Variants in FOXP2 observed in about 807,000 individuals in gnomAD.
FOXP2 encodes forkhead box P2, also known as forkhead box protein P2.
In FOXP2, 12 loss-of-function variants were observed where a neutral mutation model predicts 115.8. The ratio of observed to expected loss-of-function variants is 0.10; its 90% CI spans 0.07 to 0.17. The LOEUF is 0.17. Among genes scored for constraint, FOXP2 ranks in the 10% least tolerant of loss-of-function variants. The pLI, the probability that FOXP2 is intolerant of heterozygous loss-of-function variation, is 1.00. For synonymous variants in FOXP2, 328 were observed against 297.7 expected (o/e 1.10, Z -1.05); for missense variants, 629 against 843.5 (o/e 0.75, Z 3.15).
At chr7:114,357,581 C>A (rs1791646329) in intron 2 of FOXP2, among the ~76,000 whole-genome samples, 1 of 152,056 alleles carries the variant, frequency 6.6e-6, no homozygotes, top group African/African-American at 2.4e-5. Flanking sequence ...GTTCTTTGGC[C>A]ACCTCTTAGG....
intron 3 of FOXP2, among the ~76,000 whole-genome samples, chr7:114,537,382 T>C (rs1799448549): frequency 6.6e-6 from 1 of 151,620 alleles, no homozygotes; most frequent in Non-Finnish European, 1.5e-5. Flanking sequence ...AGAGATACTT[T>C]GTATTTTTTA....
chr7:114,436,899 A>G (rs1359043570), intron 2 of FOXP2, among the ~76,000 whole-genome samples: 2 of 152,148 alleles, frequency 1.3e-5, no homozygotes, highest in African/African-American at 2.4e-5. Flanking sequence ...ATATACCTAA[A>G]TGGTACCAGA....
At chr7:114,583,106 G>A (rs1373088239) in intron 3 of FOXP2, among the ~76,000 whole-genome samples, 2 of 152,158 alleles carry the variant, frequency 1.3e-5, no homozygotes, top group African/African-American at 4.8e-5. Flanking sequence ...GCCCAGGCGT[G>A]GTGGCTCACA....
At chr7:114,104,972 C>T (rs1791072948) in intron 1 of FOXP2, among the ~76,000 whole-genome samples, 1 of 151,862 alleles carries the variant, frequency 6.6e-6, no homozygotes, top group Non-Finnish European at 1.5e-5. Context: ...GTTAAAATGC[C>T]AACTCCCATG....
chr7:114,477,472 C>T (rs932759221), intron 2 of FOXP2, among the ~76,000 whole-genome samples: 1 of 151,882 alleles, frequency 6.6e-6, no homozygotes, highest in South Asian at 2.1e-4. Flanking sequence ...CATGGACATA[C>T]AGACACTGGG....
chr7:114,305,137 A>G (rs748446359), intron 2 of FOXP2, among the ~76,000 whole-genome samples: 55 of 152,274 alleles, frequency 3.6e-4, no homozygotes, highest in Admixed American at 7.2e-4. Context: ...TTAATTACCA[A>G]AAGGTATGAT....
At chr7:114,269,325 C>T (rs1048848578) in intron 1 of FOXP2, among the ~76,000 whole-genome samples, 1 of 152,122 alleles carries the variant, frequency 6.6e-6, no homozygotes, top group South Asian at 2.1e-4. Context: ...AAGTATTTTG[C>T]GTTTGTAAAG....
chr7:114,663,583 G>A (rs1164308389), intron 15 of FOXP2, 64 bp downstream of exon 15: 25 of 1,173,214 alleles, frequency 2.1e-5, no homozygotes, highest in Non-Finnish European at 2.6e-5. Context: ...TTTTTGGCAT[G>A]TCTTTGTATT....
chr7:114,263,356 T>C lies in FOXP2; in HGVS notation c.-101-24663T>C, dbSNP rs76543557. On this transcript the variant is annotated intron_variant, in intron 1 of 17. Transcript: ENST00000634411. The stretch of plus-strand genomic sequence containing the variant: ...CCTTTATGACTTCTTTTTCTTTTTT[T>C]TTTTCAATTTTCTTTCCTTCTTCCC... Among the ~76,000 whole-genome samples the C allele has an allele frequency of 5.0e-3, 756 of 152,062 alleles. 4 individuals are homozygous for C. The highest frequency in any genetic ancestry group is 0.017 in the African/African-American group (707 of 41,486).
At chr7:114,347,767 G>A (rs1791381923) in intron 2 of FOXP2, among the ~76,000 whole-genome samples, 1 of 151,932 alleles carries the variant, frequency 6.6e-6, no homozygotes, top group African/African-American at 2.4e-5. Context: ...AAATGGCACA[G>A]GGTAAGTAAT....
At chr7:114,503,683 C>T (rs1238645705) in intron 2 of FOXP2, among the ~76,000 whole-genome samples, 1 of 150,122 alleles carries the variant, frequency 6.7e-6, no homozygotes, top group African/African-American at 2.4e-5. Flanking sequence ...CAAATTAATC[C>T]ACCTTTTACC....
chr7:114,409,636 A>G (rs1019885946), upstream of FOXP2, among the ~76,000 whole-genome samples: 2 of 151,956 alleles, frequency 1.3e-5, no homozygotes, highest in African/African-American at 2.4e-5. Flanking sequence ...CATTCTGGCA[A>G]TTTTTCTCTG....
At chr7:114,366,960 G>C (rs149441194) in intron 2 of FOXP2, among the ~76,000 whole-genome samples, 200 of 152,122 alleles carry the variant, frequency 1.3e-3, no homozygotes, top group African/African-American at 4.5e-3. Context: ...GACCAGGTCT[G>C]TTATTAGAAT....
At chr7:114,632,979 T>C (rs1805003194) in intron 6 of FOXP2, among the ~76,000 whole-genome samples, 1 of 151,916 alleles carries the variant, frequency 6.6e-6, no homozygotes, top group Non-Finnish European at 1.5e-5. Flanking sequence ...AAGAAAAGAG[T>C]TTATAAAATT....
At chr7:114,375,627 C>T (rs912981775) in intron 2 of FOXP2, among the ~76,000 whole-genome samples, 1 of 152,164 alleles carries the variant, frequency 6.6e-6, no homozygotes, top group Admixed American at 6.5e-5. Context: ...CTTCACTTTA[C>T]ATCATATTAA....
chr7:114,683,751 AAAAATGT>A (rs1808214978), intron 16 of FOXP2, among the ~76,000 whole-genome samples: 1 of 152,152 alleles, frequency 6.6e-6, no homozygotes, highest in Non-Finnish European at 1.5e-5. Context: ...AGTCTCCATG[AAAAATGT>A]CTTGGAGTAG....
intron 1 of FOXP2, among the ~76,000 whole-genome samples, chr7:114,094,154 T>C (rs1799597124): frequency 6.6e-6 from 1 of 152,168 alleles, no homozygotes; most frequent in Admixed American, 6.5e-5. Flanking sequence ...CAAATTCTGT[T>C]TTCTTTCCTT....
In FOXP2 at chr7:114,192,623, A is replaced by G. The variant is rs1161399388; in HGVS notation, c.-102+29535A>G. On this transcript the variant is annotated intron_variant, in intron 1 of 17. Coordinates refer to the FOXP2 transcript ENST00000634411. The stretch of plus-strand genomic sequence containing the variant: ...TATTTAAAAAAATCTAGGTTGTTTC[A>G]TACAGCAGTGTATATTGCAATCAGT... Among the ~76,000 whole-genome samples the G allele has an allele frequency of 2.0e-5, 3 of 152,214 alleles. No individual in the cohort carries two copies. The South Asian group carries it at 6.2e-4, about 31-fold the overall frequency.
intron 1 of FOXP2, among the ~76,000 whole-genome samples, chr7:114,168,403 G>T (rs1473184233): frequency 6.6e-6 from 1 of 152,164 alleles, no homozygotes; most frequent in South Asian, 2.1e-4. Context: ...TTGGGAACTG[G>T]AGCAAAGGTG....
Sources: gnomAD v4.1 joint callset for allele counts (sites outside exome capture counted in the v4.1 genomes callset) on GRCh38, gnomAD v4.1.1 for gene constraint, MANE v1.5 for transcripts, NCBI Gene and HGNC (gene_info 2026-07-23, HGNC 2026-07-21) for gene names.